SDK1: variants seen among roughly 807,000 people sequenced by gnomAD.
SDK1 encodes protein sidekick-1.
Under a neutral mutation model 245.5 loss-of-function variants are expected in SDK1, and 157 were observed. That is an observed-to-expected ratio of 0.64 (90% confidence interval 0.56 to 0.73). The LOEUF (loss-of-function observed/expected upper bound fraction) is 0.73, where lower values mean the gene tolerates loss of function less well. Among genes scored for constraint, SDK1 ranks in the 30% least tolerant of loss-of-function variants. The probability of loss-of-function intolerance (pLI) is 0.00; values close to 1 mark genes in which losing one functional copy is unlikely to be tolerated. For synonymous variants in SDK1, 1,647 were observed against 1,278.5 expected, an observed-to-expected ratio of 1.29 and a Z score of -6.15; for missense variants, 3,583 against 3,002.3, an observed-to-expected ratio of 1.19 and a Z score of -4.52.
chr7:4,143,828 C>T lies in SDK1; in HGVS notation c.4229-1894C>T, dbSNP rs192473428. Among the ~76,000 whole-genome samples the T allele has an allele frequency of 3.5e-3, 531 of 152,318 alleles. 7 individuals are homozygous for T. Among genetic ancestry groups the T allele is most frequent in the African/African-American group, 0.012 (491 of 41,574 alleles). On this transcript the variant is annotated intron_variant, in intron 28 of 44. Coordinates refer to ENST00000404826, the MANE Select transcript of SDK1 (RefSeq NM_152744.4). ...GCTGGGGACCCATCTTGGAGCTTCACAGCCTCGTCCTCATCCTTGTCTTGT... is the reference window on the plus strand; with the variant it reads ...GCTGGGGACCCATCTTGGAGCTTCATAGCCTCGTCCTCATCCTTGTCTTGT...
Position 4,145,169 on chromosome 7 carries a change from G to T in SDK1, c.4229-553G>T, listed in dbSNP as rs532956526. Among the ~76,000 whole-genome samples, 27 of 152,322 alleles carry T rather than the reference G, an allele frequency of 1.8e-4. No homozygotes were observed. The East Asian group carries it at 5.2e-3, about 30-fold the overall frequency. On this transcript the variant is annotated intron_variant, in intron 28 of 44. Transcript: ENST00000404826. ...CCTGGCGGAGCTGCTCGGGAGGGGT[G>T]GGGCCAAAGAAGGGGCCGGATGGAC...
At chr7:3,792,286 C>T (rs1781121975) in intron 4 of SDK1, among the ~76,000 whole-genome samples, 1 of 151,906 alleles carries the variant, frequency 6.6e-6, no homozygotes, top group Non-Finnish European at 1.5e-5. Context: ...TCCTGAACCC[C>T]TTCACCCCTT....
intron 4 of SDK1, among the ~76,000 whole-genome samples, chr7:3,730,313 G>A (rs1779141458): frequency 6.6e-6 from 1 of 152,156 alleles, no homozygotes; most frequent in African/African-American, 2.4e-5. Context: ...GTTGTTAAAG[G>A]AATCTGACAG....
chr7:3,723,509 A>G (rs1259140489), intron 4 of SDK1, among the ~76,000 whole-genome samples: 13 of 152,216 alleles, frequency 8.5e-5, no homozygotes, highest in Admixed American at 8.5e-4. Flanking sequence ...TAGCAAAATT[A>G]GAAACATCAG....
chr7:3,926,444 G>A (rs1007097191), intron 5 of SDK1, among the ~76,000 whole-genome samples: 2 of 152,222 alleles, frequency 1.3e-5, no homozygotes, highest in Non-Finnish European at 1.5e-5. Context: ...ATTGGTTAGA[G>A]TGAAACGTCA....
At chr7:3,972,915 G>A (rs6970309) in intron 12 of SDK1, among the ~76,000 whole-genome samples, 20,020 of 152,180 alleles carry the variant, frequency 0.13, 4,370 homozygotes, top group African/African-American at 0.45. Flanking sequence ...GACGACCTAG[G>A]ACCCCCCTGG....
intron 8 of SDK1, among the ~76,000 whole-genome samples, chr7:3,961,978 CAT>C (rs1490014914): frequency 2.0e-5 from 3 of 151,208 alleles, no homozygotes; most frequent in Non-Finnish European, 4.4e-5. Flanking sequence ...AACACATGCA[CAT>C]ATATGCACAA....
chr7:3,504,544 T>TA (rs1376931910), intron 1 of SDK1, among the ~76,000 whole-genome samples: 1 of 152,164 alleles, frequency 6.6e-6, no homozygotes, highest in East Asian at 1.9e-4. Flanking sequence ...AGAATGCTAT[T>TA]AAGACGGTTA....
chr7:3,680,485 A>G (rs12536936), intron 4 of SDK1, among the ~76,000 whole-genome samples: 86,106 of 152,056 alleles, frequency 0.57, 28,871 homozygotes, highest in Non-Finnish European at 0.77. Flanking sequence ...AAAAATGATG[A>G]AATCTAAGTG....
chr7:3,563,559 C>A (rs1234097206), intron 1 of SDK1, among the ~76,000 whole-genome samples: 1 of 152,054 alleles, frequency 6.6e-6, no homozygotes, highest in Non-Finnish European at 1.5e-5. Flanking sequence ...GAAAATATAT[C>A]CAGCAACAAT....
At chr7:3,490,765 C>T (rs1291061706) in intron 1 of SDK1, among the ~76,000 whole-genome samples, 1 of 152,200 alleles carries the variant, frequency 6.6e-6, no homozygotes, top group East Asian at 1.9e-4. Context: ...GTCTTACAGT[C>T]TCAGGCTATT....
intron 1 of SDK1, among the ~76,000 whole-genome samples, chr7:3,395,710 A>G (rs1246129892): frequency 6.6e-6 from 1 of 151,750 alleles, no homozygotes; most frequent in Non-Finnish European, 1.5e-5. Context: ...TTCCTTCTTT[A>G]GTCAGTTTTG....
intron 1 of SDK1, among the ~76,000 whole-genome samples, chr7:3,394,706 T>C (rs1293747424): frequency 6.6e-6 from 1 of 152,096 alleles, no homozygotes; most frequent in East Asian, 1.9e-4. Context: ...AGCTTTATAA[T>C]TTTTACAGTA....
At chr7:3,562,378 G>C (rs1779776108) in intron 1 of SDK1, among the ~76,000 whole-genome samples, 1 of 152,176 alleles carries the variant, frequency 6.6e-6, no homozygotes, top group Non-Finnish European at 1.5e-5. Context: ...AATTTGCCTA[G>C]GTTTCGGTCT....
At chr7:3,828,918 A>T (rs1203400824) in intron 5 of SDK1, among the ~76,000 whole-genome samples, 1 of 152,042 alleles carries the variant, frequency 6.6e-6, no homozygotes, top group African/African-American at 2.4e-5. Flanking sequence ...TGGCCTCCCA[A>T]ACCACTGGGA....
intron 1 of SDK1, among the ~76,000 whole-genome samples, chr7:3,556,416 G>A (rs1431798184): frequency 6.6e-6 from 1 of 152,084 alleles, no homozygotes. Flanking sequence ...AGGTTGGTGG[G>A]GGTGCAGCAA....
intron 4 of SDK1, among the ~76,000 whole-genome samples, chr7:3,794,395 A>G (rs967428800): frequency 2.6e-5 from 4 of 152,224 alleles, no homozygotes; most frequent in Non-Finnish European, 4.4e-5. Flanking sequence ...GCTTTGGGAC[A>G]TGCTGTGGTT....
intron 22 of SDK1, among the ~76,000 whole-genome samples, chr7:4,108,377 G>A (rs143436412): frequency 1.5e-3 from 224 of 152,280 alleles, no homozygotes; most frequent in Non-Finnish European, 3.0e-3. Flanking sequence ...CTGAAGTGAG[G>A]ATTTGAGGGT....
intron 1 of SDK1, among the ~76,000 whole-genome samples, chr7:3,616,367 C>A (rs1477738242): frequency 6.6e-6 from 1 of 152,222 alleles, no homozygotes; most frequent in Admixed American, 6.5e-5. Flanking sequence ...TGTGGCCCTG[C>A]CTGCAAGGCC....
Sources: gnomAD v4.1 joint callset for allele counts (sites outside exome capture counted in the v4.1 genomes callset) on GRCh38, gnomAD v4.1.1 for gene constraint, MANE v1.5 for transcripts, NCBI Gene and HGNC (gene_info 2026-07-23, HGNC 2026-07-21) for gene names.